Variants in SLC26A6 observed in about 807,000 individuals in gnomAD.
SLC26A6 encodes the protein anion exchange transporter.
A neutral mutation model predicts 87.1 loss-of-function variants in SLC26A6; 67 were observed. The observed-to-expected ratio is 0.77, with a 90% CI of 0.63 to 0.94. The LOEUF (loss-of-function observed/expected upper bound fraction) is 0.94. Among genes scored for constraint, SLC26A6 ranks in the 40% least tolerant of loss-of-function variants. SLC26A6 has a pLI of 0.00. For synonymous variants in SLC26A6, 414 were observed against 405.9 expected (o/e 1.02, Z -0.24); for missense variants, 902 against 973.0 (o/e 0.93, Z 0.97).
rs1575527162 is a variant in SLC26A6 at position 48,630,427 on chromosome 3, T to G, written c.1326+11A>C. 4.5e-6 allele frequency: 7 copies of G among 1,553,682 alleles called. No homozygotes were observed. The highest frequency in any genetic ancestry group is 6.1e-6 in the Non-Finnish European group (7 of 1,148,272). ...GGCCAAGACCTGAAACCTGGCTGGGTGGGGGCTCACCTTGGGCAGGTCATG... is the reference window on the plus strand; with the variant it reads ...GGCCAAGACCTGAAACCTGGCTGGGGGGGGGCTCACCTTGGGCAGGTCATG... On this transcript the variant is annotated intron_variant, in intron 11 of 20. Coordinates refer to ENST00000395550, the MANE Select transcript of SLC26A6 (RefSeq NM_022911.3).
At position 48,629,569 on chromosome 3, in the gene SLC26A6, G is replaced by A. The variant is rs2046721058; in HGVS notation, c.1599+73C>T. On this transcript the variant is annotated intron_variant, in intron 14 of 20. Transcript: ENST00000395550. The stretch of plus-strand genomic sequence containing the variant: ...GCCCCCAGTTCCCTGGCCAAGTGTG[G>A]AACGAATCCACAAAGGCTCATTCTT... The A allele has an allele frequency of 3.4e-6, 5 of 1,491,340 alleles. No homozygotes were observed. In the East Asian group the frequency reaches 1.1e-4, roughly 34 times the overall value. The allele number at this position is 1,491,340 out of a possible 1,614,324, so 92.4% of individuals were successfully genotyped here.
In SLC26A6 at chr3:48,633,632, C is replaced by T. The variant is rs545825687; in HGVS notation, c.27G>A (p.Pro9=). MGLADASG[P]RDTQALLSAT... ...CAGACAGCAGTGCCTGTGTGTCCCT[C>T]GGTCTGGGGTGGCAAGACCAGAGAG... Residue 9 remains proline (P), a synonymous_variant, in exon 2 of 21, where the codon CCG becomes CCA. Coordinates refer to ENST00000395550, the MANE Select transcript of SLC26A6 (RefSeq NM_022911.3). The T allele has an allele frequency of 5.6e-6, 9 of 1,613,312 alleles. No individual in the cohort carries two copies. Among genetic ancestry groups the T allele is most frequent in the South Asian group, 1.1e-5 (1 of 91,066 alleles).
intron 1 of SLC26A6, chr3:48,634,761 T>G (rs2046907334): frequency 1.0e-6 from 1 of 985,242 alleles, no homozygotes; most frequent in Non-Finnish European, 1.2e-6. Flanking sequence ...GGCTGTACTG[T>G]TGGAGGAGTG....
At chr3:48,634,507 G>T (rs1399547460) in intron 1 of SLC26A6, among the ~76,000 whole-genome samples, 1 of 152,172 alleles carries the variant, frequency 6.6e-6, no homozygotes, top group African/African-American at 2.4e-5. Flanking sequence ...AGAGGGAGAG[G>T]GTTCTCACCT....
At position 48,628,446 on chromosome 3, in the gene SLC26A6, C is replaced by A. The variant is rs769991468; in HGVS notation, c.1788G>T (p.Lys596Asn). Residue 596 changes from lysine (K) to asparagine (N), a missense_variant, in exon 16 of 21, where the codon AAG (lysine) becomes AAT (asparagine). By Grantham distance (94) the Lys-to-Asn change is moderately conservative. This residue lies in a region of SLC26A6 where 800 missense variants were observed against 856.8 expected (regional missense o/e 0.93). Coordinates refer to ENST00000395550, the MANE Select transcript of SLC26A6 (RefSeq NM_022911.3). The surrounding 1 kb of genome is among the most constrained non-coding windows in gnomAD (Gnocchi z 4.4). The part of the protein sequence containing the change: ...LKLKQLQKEE[K>N]LRKQAASPKG... ...AAAGGGGCCCTGCCTGTTTCCGAAG[C>A]TTCTCCTCTTTCTGCAGTTGCTTCA... The A allele has an allele frequency of 6.2e-7, 1 of 1,614,078 alleles. No homozygotes were observed. The highest frequency in any genetic ancestry group is 8.5e-7 in the Non-Finnish European group (1 of 1,179,988).
In SLC26A6 at chr3:48,633,517, C is replaced by T. The variant is rs2046872179; in HGVS notation, c.142G>A (p.Gly48Ser). ...CACTGGTGGGTCCTAGGTGCTGAGC[C>T]CCAGCGCCCCAGCTCCTCCAAATGC... ...QEHLEELGRW[G>S]SAPRTHQWRT... The change falls in exon 2 of 21, where the codon GGC (glycine) becomes AGC (serine). Residue 48 changes from glycine (G) to serine (S), a missense_variant. This residue lies in a region of SLC26A6 where 800 missense variants were observed against 856.8 expected (regional missense o/e 0.93). Transcript: ENST00000395550. 2 of 1,613,316 alleles carry T rather than the reference C, an allele frequency of 1.2e-6. No homozygotes were observed. The highest frequency in any genetic ancestry group is 2.2e-5 in the East Asian group (1 of 44,886).
intron 1 of SLC26A6, 136 bp from the exon 2 acceptor site, chr3:48,633,771 G>C (rs971111598): frequency 6.7e-7 from 1 of 1,482,464 alleles, no homozygotes; most frequent in African/African-American, 1.4e-5. Context: ...CCAGCCCCCA[G>C]CTGGCATCTG....
At chr3:48,631,855 C>G in intron 6 of SLC26A6, 25 bp downstream of exon 6, 1 of 1,613,214 alleles carries the variant, frequency 6.2e-7, no homozygotes, top group Non-Finnish European at 8.5e-7. Flanking sequence ...CACACCTACC[C>G]CTCCCTCCCC....
At chr3:48,633,151 C>T in intron 3 of SLC26A6, 67 bp from the exon 4 acceptor site, 2 of 1,583,026 alleles carry the variant, frequency 1.3e-6, no homozygotes, top group Non-Finnish European at 1.7e-6. Context: ...GAATCCCAGC[C>T]CTGGGTTAGG....
In SLC26A6 at chr3:48,632,499, A is replaced by G. The variant is rs2046833945; in HGVS notation, c.434-103T>C. On this transcript the variant is annotated intron_variant, in intron 4 of 20. Coordinates refer to ENST00000395550, the MANE Select transcript of SLC26A6 (RefSeq NM_022911.3). ...CCAGGAGACTTCCAGTTCTGGATAA[A>G]TGTACTCAGATTATGGCTGCATGAA... 5.5e-6 allele frequency: 8 copies of G among 1,454,612 alleles called. No individual in the cohort carries two copies. In the South Asian group the frequency reaches 6.1e-5, roughly 11 times the overall value. 90.1% of individuals were successfully genotyped at this position (1,454,612 alleles called of 1,614,324 possible).
At position 48,630,136 on chromosome 3, in the gene SLC26A6, T is replaced by C; in HGVS notation, c.1348A>G (p.Ile450Val). 6.2e-7 allele frequency: 1 copy of C among 1,608,998 alleles called. No individual in the cohort carries two copies. Among genetic ancestry groups the C allele is most frequent in the Non-Finnish European group, 8.5e-7 (1 of 1,176,256 alleles). ...CTCAGCATGCCCTTCAGGTTCACAA[T>C]GATGATGGCTGCCAGGACCGCCTGG... ...LPKAVLAAIIIVNLKGMLRQL... is the reference protein window; with the variant it reads ...LPKAVLAAIIVVNLKGMLRQL... Residue 450 changes from isoleucine (I) to valine (V), a missense_variant, in exon 12 of 21, where the codon ATT becomes GTT. This residue lies in a region of SLC26A6 where 800 missense variants were observed against 856.8 expected (regional missense o/e 0.93). Transcript: ENST00000395550.
At chr3:48,630,210 A>G (rs2046746147) in intron 11 of SLC26A6, 53 bp from the exon 12 acceptor site, 2 of 1,580,618 alleles carry the variant, frequency 1.3e-6, no homozygotes, top group Non-Finnish European at 8.7e-7. Flanking sequence ...GATGCTGACA[A>G]CCCTCCTCAC....
Position 48,628,548 on chromosome 3 carries a change from G to A in SLC26A6, c.1693-7C>T. 1.2e-6 allele frequency: 2 copies of A among 1,614,080 alleles called. No individual in the cohort carries two copies. Among genetic ancestry groups the A allele is most frequent in the Middle Eastern group, 1.7e-4 (1 of 6,058 alleles). On this transcript the variant is annotated splice_region_variant and splice_polypyrimidine_tract_variant and intron_variant, in intron 15 of 20. Transcript: ENST00000395550. This position sits in a 1 kb window ranked among gnomAD's most constrained non-coding sequence, Gnocchi z 4.4. ...AGTCGACATCCACACCACACTGGAG[G>A]CAAACATCAGAGAAGGGTTGGTGAG... is the stretch of plus-strand genomic sequence containing the variant.
rs774248019 is a variant in SLC26A6 at position 48,631,775 on chromosome 3, C to A, written c.777G>T (p.Leu259=). The A allele has an allele frequency of 1.2e-6, 2 of 1,613,542 alleles. No individual in the cohort carries two copies. Among genetic ancestry groups the A allele is most frequent in the South Asian group, 2.2e-5 (2 of 91,084 alleles). The change falls in exon 7 of 21, where the codon CTG becomes CTT. Residue 259 remains leucine, a synonymous_variant. Coordinates refer to ENST00000395550, the MANE Select transcript of SLC26A6 (RefSeq NM_022911.3). ...IYTVLEVCWK[L]PQSKVGTVVT... Reference sequence around the variant, plus strand: ...CCACGGTGCCAACCTTGCTCTGGGGCAGCTTCCAGCAGACCTCCAGCACTG... The same window carrying A: ...CCACGGTGCCAACCTTGCTCTGGGGAAGCTTCCAGCAGACCTCCAGCACTG...
In SLC26A6 at chr3:48,633,495, TG is replaced by T; in HGVS notation, c.163del (p.Gln55SerfsTer44). On this transcript the variant is annotated frameshift_variant, in exon 2 of 21. Transcript: ENST00000395550. LOFTEE classifies it high-confidence loss of function. ...GRWGSAPRTHQWRTWLQCSRA... is the reference protein window; with the variant it reads ...GRWGSAPRTHXWRTWLQCSRA... ...GCCTTACTGCAACCAGGTCCGCCAC[TG>T]GTGGGTCCTAGGTGCTGAGCCCCAG... 1.2e-6 allele frequency: 2 copies of T among 1,613,178 alleles called. No individual in the cohort carries two copies. The highest frequency in any genetic ancestry group is 3.3e-5 in the Admixed American group (2 of 60,018).
chr3:48,633,230 G>A (rs376687710), intron 3 of SLC26A6, 21 bp downstream of exon 3: 141 of 1,608,820 alleles, frequency 8.8e-5, no homozygotes, highest in Middle Eastern at 1.7e-4. Context: ...TTTCCAGGCC[G>A]ACGCACTGAA....
intron 3 of SLC26A6, 63 bp downstream of exon 3, chr3:48,633,188 G>A: frequency 6.3e-7 from 1 of 1,592,728 alleles, no homozygotes; most frequent in South Asian, 1.1e-5. Flanking sequence ...TAGAGGTCAT[G>A]GCCCCAGTTT....
At position 48,626,975 on chromosome 3, in the gene SLC26A6, C is replaced by A; in HGVS notation, c.1974G>T (p.Leu658=). Reference sequence around the variant, plus strand: ...CTGGCTGAGGCAGGCCCAGGGCCTTCAGTGTGGACCCATCTGGGGCCTTGG... The same window carrying A: ...CTGGCTGAGGCAGGCCCAGGGCCTTAAGTGTGGACCCATCTGGGGCCTTGG... The part of the protein sequence containing the change: ...EDSKAPDGST[L]KALGLPQPDF... Residue 658 remains leucine (L), a synonymous_variant, in exon 18 of 21, where the codon CTG becomes CTT. Coordinates refer to ENST00000395550, the MANE Select transcript of SLC26A6 (RefSeq NM_022911.3). 1 of 1,614,238 alleles carries A rather than the reference C, an allele frequency of 6.2e-7. No homozygotes were observed. The highest frequency in any genetic ancestry group is 1.1e-5 in the South Asian group (1 of 91,088).
Position 48,631,248 on chromosome 3 carries a change from T to C in SLC26A6, c.962A>G (p.Asp321Gly), listed in dbSNP as rs760147727. The change falls in exon 8 of 21, where the codon GAT becomes GGT. Residue 321 changes from aspartate (D) to glycine (G), a missense_variant. By Grantham distance (94) the Asp-to-Gly change is moderately conservative (BLOSUM62 -1). Transcript: ENST00000395550. ...GMGLKHRFEVDVVGNIPAGLV... is the reference protein window; with the variant it reads ...GMGLKHRFEVGVVGNIPAGLV... ...CCCTGCAGGGATGTTGCCCACGACA[T>C]CTACCTCAAATCTGTGCTTTAGACC... The C allele has an allele frequency of 1.2e-6, 2 of 1,610,744 alleles. No homozygotes were observed. Among genetic ancestry groups the C allele is most frequent in the Non-Finnish European group, 8.5e-7 (1 of 1,178,066 alleles).
Sources: allele counts gnomAD v4.1 joint callset (sites outside exome capture counted in the v4.1 genomes callset), GRCh38; gene constraint gnomAD v4.1.1; regional missense constraint gnomAD v4.1.1; non-coding constraint Gnocchi (gnomAD v3.1); transcripts MANE v1.5; gene names NCBI Gene and HGNC (gene_info 2026-07-23, HGNC 2026-07-21).